E2F8: variants seen among roughly 807,000 people sequenced by gnomAD.
E2F8 encodes the protein E2F transcription factor 8.
In E2F8, 35 loss-of-function variants were observed where a neutral mutation model predicts 80.8. The ratio of observed to expected loss-of-function variants is 0.43; its 90% CI spans 0.33 to 0.57. The LOEUF is 0.57. E2F8 is among the 20% of genes least tolerant of loss of function. The pLI is 0.04. For missense variants in E2F8, 975 were observed against 1,056.2 expected (o/e 0.92, Z 1.07); for synonymous variants, 386 against 395.0 (o/e 0.98, Z 0.27).
intron 12 of E2F8, 79 bp from the exon 13 acceptor site, chr11:19,224,919 C>A: frequency 6.6e-7 from 1 of 1,522,290 alleles, no homozygotes; most frequent in Non-Finnish European, 8.9e-7. Flanking sequence ...GAAGATTGGG[C>A]TGGATGAATG....
rs761945671 is a variant in E2F8 at position 19,234,872 on chromosome 11, T to C, written c.638A>G (p.Glu213Gly). ...AEQIMMIKKKEYEQEFDFIKS... is the reference protein window; with the variant it reads ...AEQIMMIKKKGYEQEFDFIKS... The stretch of plus-strand genomic sequence containing the variant: ...AATAAAGTCAAACTCTTGCTCATAT[T>C]CTTTCTTTTTGATCATCATAATCTG... Residue 213 changes from glutamate to glycine, a missense_variant, in exon 5 of 13, where the codon GAA (glutamate) becomes GGA (glycine). Coordinates refer to ENST00000250024, the MANE Select transcript of E2F8 (RefSeq NM_024680.4). The C allele has an allele frequency of 1.8e-5, 29 of 1,614,110 alleles. No homozygotes were observed. Among genetic ancestry groups the C allele is most frequent in the Non-Finnish European group, 2.4e-5 (28 of 1,180,046 alleles).
Position 19,229,467 on chromosome 11 carries a change from T to C in E2F8, c.1880A>G (p.Glu627Gly), listed in dbSNP as rs772669807. The change falls in exon 10 of 13, where the codon GAA becomes GGA. Residue 627 changes from glutamate (E) to glycine (G), a missense_variant. By Grantham distance (98) the Glu-to-Gly change is moderately conservative. Transcript: ENST00000250024. This position sits in a 1 kb window ranked among gnomAD's most constrained non-coding sequence, Gnocchi z 4.3. ...GGCTGTACTTACTGCGGAGACATTT[T>C]CAAGTCCTTTTAGGTCCTCTTTAAA... ...KKFKEDLKGLENVSATLFPSG... is the reference protein window; with the variant it reads ...KKFKEDLKGLGNVSATLFPSG... 3 of 1,613,308 alleles carry C rather than the reference T, an allele frequency of 1.9e-6. No individual in the cohort carries two copies. Among genetic ancestry groups the C allele is most frequent in the Non-Finnish European group, 1.7e-6 (2 of 1,179,654 alleles).
intron 4 of E2F8, among the ~76,000 whole-genome samples, chr11:19,235,322 T>G (rs1348264493): frequency 2.0e-5 from 3 of 152,214 alleles, no homozygotes; most frequent in Non-Finnish European, 4.4e-5. Flanking sequence ...CACCCTAAAC[T>G]TGTGAAGTAG....
rs1397924224 is a variant in E2F8 at position 19,225,267 on chromosome 11, T to C, written c.2375A>G (p.Gln792Arg). Residue 792 changes from glutamine to arginine, a missense_variant, in exon 12 of 13, where the codon CAG becomes CGG. Physicochemically the swap from Gln to Arg is conservative, Grantham distance 43. Transcript: ENST00000250024. ...ATNYDSPVPG[Q>R]SQPNGQSVAV... ...AACTGATTGTCCATTTGGCTGGCTC[T>C]GGCCTGGGACTGGTGAGTCATAGTT... 6.2e-7 allele frequency: 1 copy of C among 1,613,980 alleles called. No homozygotes were observed. Among genetic ancestry groups the C allele is most frequent in the Admixed American group, 1.7e-5 (1 of 60,008 alleles).
chr11:19,239,336 T>C (rs1187897553), intron 2 of E2F8, among the ~76,000 whole-genome samples: 1 of 152,206 alleles, frequency 6.6e-6, no homozygotes, highest in Non-Finnish European at 1.5e-5. Flanking sequence ...CTTGCCAGTG[T>C]GTGCATCTGA....
chr11:19,234,130 G>C lies in E2F8; in HGVS notation c.928+230C>G, dbSNP rs1341832834. On this transcript the variant is annotated intron_variant, in intron 6 of 12. Transcript: ENST00000250024. ...GCCACTGCACTCCAGCCTAGCAAAAGAGCTAGACTCCGTCTAAAAAAAAAA... is the reference window on the plus strand; with the variant it reads ...GCCACTGCACTCCAGCCTAGCAAAACAGCTAGACTCCGTCTAAAAAAAAAA... Among the ~76,000 whole-genome samples the C allele has an allele frequency of 2.2e-4, 26 of 119,086 alleles. 1 individual carries two copies. The highest frequency in any genetic ancestry group is 6.6e-5 in the Non-Finnish European group (4 of 60,824). 78.1% of individuals were successfully genotyped at this position (119,086 alleles called of 152,430 possible). A position where few individuals can be genotyped will look rare whatever the true frequency, so the allele number is the denominator to read the frequency against.
chr11:19,232,105 C>T (rs1851398054), intron 7 of E2F8, 129 bp downstream of exon 7: 1 of 1,334,804 alleles, frequency 7.5e-7, no homozygotes, highest in Non-Finnish European at 1.0e-6. Flanking sequence ...CATGTTCTCA[C>T]TCGTAAGTGG....
chr11:19,231,270 G>T (rs1028338563), intron 7 of E2F8, among the ~76,000 whole-genome samples: 1 of 152,124 alleles, frequency 6.6e-6, no homozygotes, highest in Non-Finnish European at 1.5e-5. Flanking sequence ...CTGGCTCAAG[G>T]TCTCTCAACT....
chr11:19,235,662 C>CAAA (rs1160661782), intron 4 of E2F8, among the ~76,000 whole-genome samples: 26 of 76,254 alleles, frequency 3.4e-4, no homozygotes, highest in African/African-American at 1.5e-3. Flanking sequence ...AACAAACAAA[C>CAAA]AAACAAAAAA....
At position 19,225,235 on chromosome 11, in the gene E2F8, T is replaced by A. The variant is rs753772602; in HGVS notation, c.2407A>T (p.Thr803Ser). 8.1e-6 allele frequency: 13 copies of A among 1,613,382 alleles called. No homozygotes were observed. The South Asian group carries it at 1.4e-4, about 18-fold the overall frequency. ...SQPNGQSVAV[T>S]GAQQPVPVTP... ...AAGCCTCTCACCTGTTGTGCCCCTG[T>A]CACAGCAACTGATTGTCCATTTGGC... The change falls in exon 12 of 13, where the codon ACA (threonine) becomes TCA (serine). Residue 803 changes from threonine (T) to serine (S), a missense_variant. Transcript: ENST00000250024.
At chr11:19,232,738 G>T (rs766608775) in intron 6 of E2F8, among the ~76,000 whole-genome samples, 2 of 152,168 alleles carry the variant, frequency 1.3e-5, no homozygotes, top group Non-Finnish European at 2.9e-5. Context: ...GAGCAGAGAA[G>T]TAAAAGTATC....
At chr11:19,235,522 G>C (rs1273396788) in intron 4 of E2F8, among the ~76,000 whole-genome samples, 4 of 152,162 alleles carry the variant, frequency 2.6e-5, no homozygotes, top group African/African-American at 9.7e-5. Flanking sequence ...GGTGGCGGGT[G>C]CCTGTAGTCC....
At position 19,230,834 on chromosome 11, in the gene E2F8, C is replaced by G. The variant is rs1216903524; in HGVS notation, c.1067G>C (p.Gly356Ala). The change falls in exon 8 of 13, where the codon GGC (glycine) becomes GCC (alanine). Residue 356 changes from glycine to alanine, a missense_variant and splice_region_variant. By Grantham distance (60) the Gly-to-Ala change is moderately conservative (BLOSUM62 0). Transcript: ENST00000250024. The stretch of plus-strand genomic sequence containing the variant: ...AGTAAAATGAATGACTGGGCTGGAG[C>G]CTGAAACAGAAAACGTCTGTGTATT... Reference protein sequence around the residue: ...TGPEISPNTSGSSPVIHFTPS... With the variant: ...TGPEISPNTSASSPVIHFTPS... 1.9e-6 allele frequency: 3 copies of G among 1,613,868 alleles called. No individual in the cohort carries two copies. The highest frequency in any genetic ancestry group is 1.7e-5 in the Admixed American group (1 of 59,992).
In E2F8 at chr11:19,224,450, C is replaced by T. The variant is rs1158989235; in HGVS notation, c.*208G>A. ...TTATTTTGTAGGATTGAAAGCTAAA[C>T]TTAGCTTTATACAAATATATGTGTG... On this transcript the variant is annotated 3_prime_UTR_variant, in exon 13 of 13. Coordinates refer to ENST00000250024, the MANE Select transcript of E2F8 (RefSeq NM_024680.4). 6 of 445,302 alleles carry T rather than the reference C, an allele frequency of 1.3e-5. No individual in the cohort carries two copies. Among genetic ancestry groups the T allele is most frequent in the Non-Finnish European group, 1.9e-5 (5 of 260,050 alleles). The allele number at this position is 445,302 out of a possible 1,614,324, so 27.6% of individuals were successfully genotyped here. A position where few individuals can be genotyped will look rare whatever the true frequency, so the allele number is the denominator to read the frequency against.
chr11:19,236,220 C>T (rs1261667547), intron 4 of E2F8, among the ~76,000 whole-genome samples: 1 of 152,198 alleles, frequency 6.6e-6, no homozygotes, highest in Non-Finnish European at 1.5e-5. Flanking sequence ...GATGTCCTTA[C>T]AGCTCCCTAC....
chr11:19,224,598 G>A lies in E2F8; in HGVS notation c.*60C>T. The A allele has an allele frequency of 6.4e-7, 1 of 1,554,354 alleles. No individual in the cohort carries two copies. The highest frequency in any genetic ancestry group is 8.8e-7 in the Non-Finnish European group (1 of 1,133,008). On this transcript the variant is annotated 3_prime_UTR_variant, in exon 13 of 13. Coordinates refer to ENST00000250024, the MANE Select transcript of E2F8 (RefSeq NM_024680.4). ...GAGAATGTGTTCTCCAAATCAGTCT[G>A]TGTACATTTTCTCTATTAAACAACT...
intron 7 of E2F8, among the ~76,000 whole-genome samples, chr11:19,231,467 C>G (rs184328465): frequency 6.6e-6 from 1 of 152,180 alleles, no homozygotes; most frequent in Non-Finnish European, 1.5e-5. Flanking sequence ...TGTCTCAGGC[C>G]GCAAAGCCAG....
rs891326410 is a variant in E2F8, at chr11:19,230,334, A to G, written c.1271-6T>C. 2.0e-5 allele frequency: 32 copies of G among 1,612,368 alleles called. No homozygotes were observed. Among genetic ancestry groups the G allele is most frequent in the African/African-American group, 6.7e-5 (5 of 74,792 alleles). ...AGAATTCTGAGAACTCTCAGCTGGT[A>G]AAATAGAAAGGAAGAGAGCACCGGT... On this transcript the variant is annotated splice_region_variant and splice_polypyrimidine_tract_variant and intron_variant, in intron 8 of 12. Transcript: ENST00000250024.
At position 19,230,817 on chromosome 11, in the gene E2F8, G is replaced by A. The variant is rs138078778; in HGVS notation, c.1084C>T (p.His362Tyr). The change falls in exon 8 of 13, where the codon CAT (histidine) becomes TAT (tyrosine). Residue 362 changes from histidine to tyrosine, a missense_variant. Physicochemically the swap from His to Tyr is moderately conservative, Grantham distance 83. Coordinates refer to ENST00000250024, the MANE Select transcript of E2F8 (RefSeq NM_024680.4). ...PNTSGSSPVIHFTPSDLEVRR... is the reference protein window; with the variant it reads ...PNTSGSSPVIYFTPSDLEVRR... ...ACCTCCAAATCAGAGGGAGTAAAAT[G>A]AATGACTGGGCTGGAGCCTGAAACA... 6.2e-7 allele frequency: 1 copy of A among 1,614,132 alleles called. No homozygotes were observed. Among genetic ancestry groups the A allele is most frequent in the South Asian group, 1.1e-5 (1 of 91,080 alleles).
Sources: allele counts gnomAD v4.1 joint callset (sites outside exome capture counted in the v4.1 genomes callset), GRCh38; gene constraint gnomAD v4.1.1; non-coding constraint Gnocchi (gnomAD v3.1); transcripts MANE v1.5; gene names NCBI Gene and HGNC (gene_info 2026-07-23, HGNC 2026-07-21).